Variants in MPPED2 observed in about 807,000 individuals in gnomAD.
MPPED2 encodes the protein metallophosphoesterase domain containing 2, also known as metallophosphoesterase MPPED2.
In MPPED2, 5 loss-of-function variants were observed where a neutral mutation model predicts 33.0. The observed-to-expected ratio is 0.15, with a 90% CI of 0.08 to 0.32. The LOEUF (loss-of-function observed/expected upper bound fraction) is 0.32, where lower values mean the gene tolerates loss of function less well. Among genes scored for constraint, MPPED2 ranks in the 10% least tolerant of loss-of-function variants. MPPED2 has a pLI of 1.00. For missense variants in MPPED2, 275 were observed against 372.1 expected (o/e 0.74, Z 2.15); for synonymous variants, 136 against 141.9 (o/e 0.96, Z 0.29).
intron 4 of MPPED2, among the ~76,000 whole-genome samples, chr11:30,462,661 C>T (rs1950554521): frequency 6.6e-6 from 1 of 152,036 alleles, no homozygotes; most frequent in Non-Finnish European, 1.5e-5. Flanking sequence ...TACTAATGTC[C>T]AAGTACTCGC....
At chr11:30,437,048 G>A (rs1949358490) in intron 4 of MPPED2, among the ~76,000 whole-genome samples, 3 of 152,154 alleles carry the variant, frequency 2.0e-5, no homozygotes, top group Admixed American at 6.5e-5. Flanking sequence ...TTTAAGCGAA[G>A]GAAATTAGCA....
intron 4 of MPPED2, chr11:30,495,037 C>A: frequency 2.2e-6 from 1 of 452,732 alleles, no homozygotes; most frequent in Non-Finnish European, 3.9e-6. Context: ...ACCAATACCC[C>A]ATGGACACTG....
rs1195913992 is a variant in MPPED2, at chr11:30,558,628, C to T, written c.128+21618G>A. On this transcript the variant is annotated intron_variant, in intron 2 of 6. Transcript: ENST00000358117. ...ATAGAGACAGGGTCTTGCTATGTTG[C>T]CCAGGGTAGTCTCAAACTGCTGGCC... Among the ~76,000 whole-genome samples the T allele has an allele frequency of 4.6e-5, 7 of 151,292 alleles. No individual in the cohort carries two copies. The East Asian group carries it at 1.4e-3, about 29-fold the overall frequency.
chr11:30,563,769 G>A (rs1165358225), intron 2 of MPPED2, among the ~76,000 whole-genome samples: 1 of 152,164 alleles, frequency 6.6e-6, no homozygotes, highest in East Asian at 1.9e-4. Context: ...ATTTGTTACT[G>A]AATCATGGAC....
chr11:30,539,779 C>T (rs981522620), intron 2 of MPPED2, among the ~76,000 whole-genome samples: 1 of 152,070 alleles, frequency 6.6e-6, no homozygotes, highest in African/African-American at 2.4e-5. Context: ...GGCAACCACA[C>T]CCAGCTTATT....
intron 1 of MPPED2, among the ~76,000 whole-genome samples, chr11:30,585,632 C>T (rs1170675522): frequency 6.6e-6 from 1 of 152,134 alleles, no homozygotes; most frequent in African/African-American, 2.4e-5. Context: ...CCGATACCCC[C>T]TCCTCTCCTC....
Position 30,434,729 on chromosome 11 carries a change from CTCAG to C in MPPED2, c.537-17100_537-17097del, listed in dbSNP as rs199775361. ...AGATCAACCTGGCACATAAGAAGCTCTCAGTAAGTGATACCTTTCCGTTTTGTTG... is the reference window on the plus strand; with the variant it reads ...AGATCAACCTGGCACATAAGAAGCTCTAAGTGATACCTTTCCGTTTTGTTG... On this transcript the variant is annotated intron_variant, in intron 4 of 6. Transcript: ENST00000358117. Among the ~76,000 whole-genome samples, 1,244 of 152,286 alleles carry C rather than the reference CTCAG, an allele frequency of 8.2e-3. 22 individuals carry two copies. The highest frequency in any genetic ancestry group is 0.029 in the African/African-American group (1,185 of 41,540).
At chr11:30,504,729 T>A in intron 3 of MPPED2, 1 of 1,262,518 alleles carries the variant, frequency 7.9e-7, no homozygotes, top group South Asian at 1.2e-5. Flanking sequence ...CTAACGTTAA[T>A]ACTCACACTT....
At chr11:30,387,027 A>T (rs967245521) in exon 7 of MPPED2, 4 of 359,792 alleles carry the variant, frequency 1.1e-5, no homozygotes, top group African/African-American at 6.3e-5. Context: ...ATGGAAGCAG[A>T]TCTGAACCTG....
intron 3 of MPPED2, among the ~76,000 whole-genome samples, chr11:30,519,301 C>T (rs560783211): frequency 6.6e-6 from 1 of 151,956 alleles, no homozygotes; most frequent in African/African-American, 2.4e-5. Context: ...TATATACGTA[C>T]ACACACAAAA....
chr11:30,526,945 C>T (rs751017007), intron 3 of MPPED2, among the ~76,000 whole-genome samples: 8 of 151,548 alleles, frequency 5.3e-5, no homozygotes, highest in Admixed American at 1.3e-4. Context: ...CCCTCTGTCG[C>T]CCAGGCTACA....
rs192549078 is a variant in MPPED2 at position 30,442,864 on chromosome 11, A to G, written c.537-25231T>C. 1.3e-3 allele frequency among the ~76,000 whole-genome samples: 201 copies of G among 152,300 alleles called. 1 individual carries two copies. The highest frequency in any genetic ancestry group is 2.5e-3 in the Non-Finnish European group (171 of 68,036). On this transcript the variant is annotated intron_variant, in intron 4 of 6. Transcript: ENST00000358117. ...AATTCTACAAAAATTGTTTTAAAAA[A>G]TTAACTGGGTATGGTGGCTTGAGCC...
intron 4 of MPPED2, among the ~76,000 whole-genome samples, chr11:30,427,624 A>T (rs1376682132): frequency 7.7e-6 from 1 of 129,868 alleles, no homozygotes; most frequent in Admixed American, 8.3e-5. Flanking sequence ...GTTCATGAAG[A>T]GTTTGTAAGT....
intron 3 of MPPED2, among the ~76,000 whole-genome samples, chr11:30,526,102 T>C (rs1024312359): frequency 6.6e-6 from 1 of 152,210 alleles, no homozygotes; most frequent in East Asian, 1.9e-4. Context: ...AATTAGACCA[T>C]GAAGTAATTC....
intron 6 of MPPED2, among the ~76,000 whole-genome samples, chr11:30,397,692 C>T (rs940761833): frequency 1.8e-4 from 28 of 152,124 alleles, no homozygotes; most frequent in Non-Finnish European, 2.5e-4. Context: ...AAGATCAGTA[C>T]ACTTATCACT....
rs1948069899 is a variant in MPPED2, at chr11:30,410,649, GCAGTTGTA to G, written c.*811_*818del. 1 of 985,514 alleles carries G rather than the reference GCAGTTGTA, an allele frequency of 1.0e-6. No individual in the cohort carries two copies. The highest frequency in any genetic ancestry group is 1.2e-6 in the Non-Finnish European group (1 of 829,822). 61.0% of individuals were successfully genotyped at this position (985,514 alleles called of 1,614,324 possible). A position where few individuals can be genotyped will look rare whatever the true frequency, so the allele number is the denominator to read the frequency against. ...ATGTGTTGCTATACAGCATCCCTTTGCAGTTGTACTGTCCTTGACAATAATAAACTCCT... is the reference window on the plus strand; with the variant it reads ...ATGTGTTGCTATACAGCATCCCTTTGCTGTCCTTGACAATAATAAACTCCT... On this transcript the variant is annotated 3_prime_UTR_variant, in exon 7 of 7. Coordinates refer to ENST00000358117, the MANE Select transcript of MPPED2 (RefSeq NM_001584.3).
At chr11:30,384,474 C>CTTTTTTTTTTTTTTTTTTTTTTT (rs200252636), downstream of MPPED2, 1 of 131,338 alleles carries the variant, frequency 7.6e-6, no homozygotes, top group African/African-American at 2.9e-5. Context: ...TTTCTTTTTT[C>CTTTTTTTTTTTTTTTTTTTTTTT]TTTTTTTTTT....
intron 2 of MPPED2, among the ~76,000 whole-genome samples, chr11:30,538,854 T>A (rs1186946649): frequency 2.0e-5 from 3 of 152,138 alleles, no homozygotes; most frequent in Admixed American, 6.6e-5. Context: ...GCAGACTTTA[T>A]ATAGATATCC....
intron 2 of MPPED2, among the ~76,000 whole-genome samples, chr11:30,545,073 G>A (rs1365740377): frequency 6.6e-6 from 1 of 152,140 alleles, no homozygotes; most frequent in Admixed American, 6.5e-5. Context: ...AGATTTGAAA[G>A]GCCAGCGGGA....
Sources: gnomAD v4.1 joint callset for allele counts (sites outside exome capture counted in the v4.1 genomes callset) on GRCh38, gnomAD v4.1.1 for gene constraint, MANE v1.5 for transcripts, NCBI Gene and HGNC (gene_info 2026-07-23, HGNC 2026-07-21) for gene names.